PSD2: variants seen among roughly 807,000 people sequenced by gnomAD.
PSD2 encodes pleckstrin and Sec7 domain containing 2, also known as PH and SEC7 domain-containing protein 2.
Under a neutral mutation model 69.8 loss-of-function variants are expected in PSD2, and 38 were observed. The ratio of observed to expected loss-of-function variants is 0.54; its 90% CI spans 0.42 to 0.71. The LOEUF (loss-of-function observed/expected upper bound fraction) is 0.71. PSD2 is among the 30% of genes least tolerant of loss of function. PSD2 has a pLI of 0.00. For missense variants in PSD2, 943 were observed against 1,014.5 expected, an observed-to-expected ratio of 0.93 and a Z score of 0.96; for synonymous variants, 412 against 423.0, an observed-to-expected ratio of 0.97 and a Z score of 0.32.
the PSD2 span, among the ~76,000 whole-genome samples, chr5:139,783,701 G>A: frequency 2.2e-4 from 34 of 152,032 alleles, no homozygotes; most frequent in East Asian, 3.9e-4. Context: ...TCTTTTCCAC[G>A]AAAACGGCTC....
the PSD2 span, among the ~76,000 whole-genome samples, chr5:139,769,040 A>T: frequency 6.6e-6 from 1 of 152,104 alleles, no homozygotes; most frequent in African/African-American, 2.4e-5. Flanking sequence ...GGTGGAGGGT[A>T]GGGGAAGATG....
chr5:139,779,455 G>A, the PSD2 span, among the ~76,000 whole-genome samples: 1 of 152,046 alleles, frequency 6.6e-6, no homozygotes, highest in Non-Finnish European at 1.5e-5. Context: ...GTGTATATTA[G>A]AGCAAATTAC....
chr5:139,762,732 ACAGACCCCTCCCGG>A, the PSD2 span, among the ~76,000 whole-genome samples: 6 of 152,066 alleles, frequency 3.9e-5, no homozygotes, highest in Non-Finnish European at 5.9e-5. Context: ...CAGAAAGGCT[ACAGACCCCTCCCGG>A]CAGACCCCTC....
At chr5:139,817,283 C>A (rs1456512811) in intron 4 of PSD2, among the ~76,000 whole-genome samples, 198 bp from the exon 5 acceptor site, 1 of 151,694 alleles carries the variant, frequency 6.6e-6, no homozygotes, top group Non-Finnish European at 1.5e-5. Context: ...TTGACTGAGA[C>A]ATCACCTCCT....
the PSD2 span, among the ~76,000 whole-genome samples, chr5:139,765,464 T>C: frequency 0.67 from 101,966 of 152,078 alleles, 35,578 homozygotes; most frequent in Admixed American, 0.76. Context: ...CACCTCTTCG[T>C]ACTTCTGTTC....
upstream of PSD2, among the ~76,000 whole-genome samples, chr5:139,791,743 T>C (rs971059850): frequency 1.3e-5 from 2 of 152,226 alleles, no homozygotes; most frequent in South Asian, 2.1e-4. Context: ...TACCTCTCCA[T>C]CCTTCATGTA....
the PSD2 span, among the ~76,000 whole-genome samples, chr5:139,767,356 C>A: frequency 6.6e-6 from 1 of 151,892 alleles, no homozygotes; most frequent in Non-Finnish European, 1.5e-5. Context: ...ACTCTATTGC[C>A]CAGGCTGGAG....
intron 1 of PSD2, among the ~76,000 whole-genome samples, chr5:139,808,760 C>G (rs1561594505): frequency 2.0e-5 from 3 of 152,216 alleles, no homozygotes; most frequent in Non-Finnish European, 4.4e-5. Context: ...CCACCCAGCA[C>G]CCTGGACAGC....
the PSD2 span, among the ~76,000 whole-genome samples, chr5:139,766,443 G>A: frequency 2.3e-3 from 345 of 152,234 alleles, 2 homozygotes; most frequent in African/African-American, 7.4e-3. Context: ...TGGAATGGTG[G>A]GGGGCACCCT....
In PSD2 at chr5:139,836,807, C is replaced by T. The variant is rs1215050027; in HGVS notation, c.1404-4C>T. ...GGTGGTGCTCAGGCCTAGTACTTCC[C>T]TAGTGATGAGGATGAGCTGAGGAAA... is the stretch of plus-strand genomic sequence containing the variant. On this transcript the variant is annotated splice_polypyrimidine_tract_variant and splice_region_variant and intron_variant, in intron 9 of 14. Coordinates refer to ENST00000274710, the MANE Select transcript of PSD2 (RefSeq NM_032289.4). 3 of 1,613,520 alleles carry T rather than the reference C, an allele frequency of 1.9e-6. No individual in the cohort carries two copies. The highest frequency in any genetic ancestry group is 2.5e-6 in the Non-Finnish European group (3 of 1,179,582).
intron 5 of PSD2, 132 bp downstream of exon 5, chr5:139,817,693 AG>A: frequency 1.4e-6 from 1 of 728,496 alleles, no homozygotes; most frequent in Non-Finnish European, 2.3e-6. Context: ...GCTGTGGGGA[AG>A]GGGCCACAGG....
In PSD2 at chr5:139,837,328, G is replaced by C; in HGVS notation, c.1665+90G>C. 7.9e-7 allele frequency: 1 copy of C among 1,270,368 alleles called. No homozygotes were observed. The highest frequency in any genetic ancestry group is 2.3e-5 in the East Asian group (1 of 42,786). 78.7% of individuals were successfully genotyped at this position (1,270,368 alleles called of 1,614,324 possible). ...TGTGGCACCCCGAAGCCCCAGGCAG[G>C]ACCTGGGGCTCAGGCACATGCTGGG... On this transcript the variant is annotated intron_variant, in intron 11 of 14. Transcript: ENST00000274710. This position sits in a 1 kb window ranked among gnomAD's most constrained non-coding sequence, Gnocchi z 5.0.
intron 5 of PSD2, among the ~76,000 whole-genome samples, chr5:139,819,551 C>T (rs1023803747): frequency 9.2e-5 from 14 of 152,188 alleles, no homozygotes; most frequent in African/African-American, 3.1e-4. Context: ...CCTCTTGAAG[C>T]CACCCAATGC....
chr5:139,837,870 G>C lies in PSD2; in HGVS notation c.1823+88G>C. On this transcript the variant is annotated intron_variant, in intron 12 of 14. Transcript: ENST00000274710. The surrounding 1 kb of genome is among the most constrained non-coding windows in gnomAD (Gnocchi z 5.0). ...CAACCCCTCTCCTTCCCGTGAGTCAGCAACAGAGCATGTGTATCCACATGA... is the reference window on the plus strand; with the variant it reads ...CAACCCCTCTCCTTCCCGTGAGTCACCAACAGAGCATGTGTATCCACATGA... 2 of 1,312,638 alleles carry C rather than the reference G, an allele frequency of 1.5e-6. No homozygotes were observed. Among genetic ancestry groups the C allele is most frequent in the South Asian group, 2.8e-5 (2 of 71,938 alleles). 81.3% of individuals were successfully genotyped at this position (1,312,638 alleles called of 1,614,324 possible).
chr5:139,820,180 G>A (rs1358351021), intron 5 of PSD2, among the ~76,000 whole-genome samples: 1 of 152,176 alleles, frequency 6.6e-6, no homozygotes, highest in Non-Finnish European at 1.5e-5. Flanking sequence ...TTTGGTGGTG[G>A]CGGCACGGGG....
the PSD2 span, among the ~76,000 whole-genome samples, chr5:139,766,917 CT>C: frequency 3.4e-5 from 1 of 29,708 alleles, no homozygotes. Context: ...CCCTTCCTTC[CT>C]TCCTTCCTTC....
At chr5:139,816,239 T>C (rs1034765584) in intron 4 of PSD2, among the ~76,000 whole-genome samples, 3 of 152,214 alleles carry the variant, frequency 2.0e-5, no homozygotes, top group African/African-American at 7.2e-5. Flanking sequence ...TTTTTTTACA[T>C]AATCATGATT....
upstream of PSD2, among the ~76,000 whole-genome samples, chr5:139,794,537 A>C (rs766024965): frequency 6.6e-6 from 1 of 152,188 alleles, no homozygotes; most frequent in Admixed American, 6.5e-5. Context: ...AAGGTCAGAG[A>C]AGACTTCATG....
the PSD2 span, among the ~76,000 whole-genome samples, chr5:139,788,833 G>A: frequency 6.6e-6 from 1 of 152,240 alleles, no homozygotes; most frequent in Non-Finnish European, 1.5e-5. Context: ...GATTGCACAG[G>A]CAGGTCGTAG....
Sources: gnomAD v4.1 joint callset for allele counts (sites outside exome capture counted in the v4.1 genomes callset) on GRCh38, gnomAD v4.1.1 for gene constraint, Gnocchi (gnomAD v3.1) non-coding constraint, MANE v1.5 for transcripts, NCBI Gene and HGNC (gene_info 2026-07-23, HGNC 2026-07-21) for gene names.